Variants in DLG1 observed in about 807,000 individuals in gnomAD.
DLG1 encodes the protein disks large homolog 1.
In DLG1, 42 loss-of-function variants were observed where a neutral mutation model predicts 123.4. That is an observed-to-expected ratio of 0.34 (90% CI 0.27 to 0.44). DLG1 has a LOEUF of 0.44. DLG1 is among the 20% of genes least tolerant of loss of function. DLG1 has a pLI of 1.00. For missense variants in DLG1, 942 were observed against 1,082.6 expected, an observed-to-expected ratio of 0.87 and a Z score of 1.82; for synonymous variants, 317 against 356.2, an observed-to-expected ratio of 0.89 and a Z score of 1.24.
chr3:197,133,500 T>A (rs896531812), intron 10 of DLG1, among the ~76,000 whole-genome samples: 1 of 152,228 alleles, frequency 6.6e-6, no homozygotes, highest in Non-Finnish European at 1.5e-5. Context: ...TTAATCTCTG[T>A]GTTTTCTCAC....
At chr3:197,127,348 G>C (rs1463208059) in intron 11 of DLG1, among the ~76,000 whole-genome samples, 2 of 143,612 alleles carry the variant, frequency 1.4e-5, no homozygotes, top group Non-Finnish European at 3.0e-5. Flanking sequence ...GCTTGAACCT[G>C]GGAGGCGGAG....
In DLG1 at chr3:197,118,712, A is replaced by T. The variant is rs547216284; in HGVS notation, c.1286+698T>A. ...AAAAGATCTACAATGCTTTTTCACC[A>T]ATTTTTTTCTACCTCATTAGAATTC... On this transcript the variant is annotated intron_variant, in intron 12 of 24. Transcript: ENST00000667157. 3.3e-5 allele frequency among the ~76,000 whole-genome samples: 5 copies of T among 152,314 alleles called. No homozygotes were observed. In the East Asian group the frequency reaches 9.6e-4, roughly 29 times the overall value.
In DLG1 at chr3:197,076,697, A is replaced by G. The variant is rs1747493388; in HGVS notation, c.1906-12T>C. The G allele has an allele frequency of 6.2e-7, 1 of 1,603,338 alleles. No individual in the cohort carries two copies. The highest frequency in any genetic ancestry group is 8.5e-7 in the Non-Finnish European group (1 of 1,171,050). On this transcript the variant is annotated splice_polypyrimidine_tract_variant and intron_variant, in intron 17 of 24. Coordinates refer to ENST00000667157, the MANE Select transcript of DLG1 (RefSeq NM_001366207.1). ...TCATTGAATGACTGCTGAAGAAGAG[A>G]AGGAGGGGCAAAACAAAGGGATGTC...
chr3:197,250,949 C>T (rs1754093696), intron 4 of DLG1, among the ~76,000 whole-genome samples: 1 of 143,256 alleles, frequency 7.0e-6, no homozygotes, highest in African/African-American at 2.6e-5. Context: ...TGCCACTGCA[C>T]TCCAGCCTGG....
intron 10 of DLG1, among the ~76,000 whole-genome samples, chr3:197,135,210 C>A (rs116770594): frequency 0.011 from 1,633 of 152,324 alleles, 30 homozygotes; most frequent in African/African-American, 0.037. Flanking sequence ...CCCTAAGGAA[C>A]ATGGACTGAG....
intron 13 of DLG1, among the ~76,000 whole-genome samples, chr3:197,108,888 T>C (rs1368190215): frequency 6.6e-6 from 1 of 152,186 alleles, no homozygotes; most frequent in East Asian, 1.9e-4. Context: ...TAATGTAGAA[T>C]TTACTTAATT....
chr3:197,177,557 G>C (rs186445052), intron 5 of DLG1, among the ~76,000 whole-genome samples: 1 of 152,186 alleles, frequency 6.6e-6, no homozygotes, highest in Admixed American at 6.5e-5. Context: ...ATCAATCTAG[G>C]ATGGTCCAAG....
chr3:197,217,862 T>C (rs559289849), intron 4 of DLG1, among the ~76,000 whole-genome samples: 54 of 152,296 alleles, frequency 3.5e-4, no homozygotes, highest in African/African-American at 1.2e-3. Flanking sequence ...ATCTTGATTA[T>C]AGTGATGGTT....
At chr3:197,098,895 C>T (rs746229899) in intron 14 of DLG1, among the ~76,000 whole-genome samples, 26 of 152,198 alleles carry the variant, frequency 1.7e-4, no homozygotes, top group African/African-American at 2.4e-4. Flanking sequence ...AAACATACTT[C>T]GGCATTTTAA....
chr3:197,119,067 T>A (rs1487144459), intron 12 of DLG1, among the ~76,000 whole-genome samples: 1 of 152,186 alleles, frequency 6.6e-6, no homozygotes, highest in African/African-American at 2.4e-5. Flanking sequence ...GCCATATTTT[T>A]ATGGTATATA....
chr3:197,085,939 A>G (rs1424891990), intron 15 of DLG1, among the ~76,000 whole-genome samples, 183 bp from the exon 16 acceptor site: 2 of 151,366 alleles, frequency 1.3e-5, no homozygotes, highest in Non-Finnish European at 2.9e-5. Flanking sequence ...TCAACTTGCT[A>G]TGAAAATACT....
chr3:197,267,883 T>C (rs555720420), intron 4 of DLG1, among the ~76,000 whole-genome samples: 6 of 152,250 alleles, frequency 3.9e-5, no homozygotes, highest in Non-Finnish European at 8.8e-5. Flanking sequence ...TTGAACATAT[T>C]TACAGGATAA....
chr3:197,048,134 C>T (rs990950961), intron 24 of DLG1, among the ~76,000 whole-genome samples: 3 of 152,284 alleles, frequency 2.0e-5, no homozygotes, highest in African/African-American at 7.2e-5. Flanking sequence ...CAGCAGGTAT[C>T]AGTAAAAGTG....
intron 4 of DLG1, among the ~76,000 whole-genome samples, chr3:197,213,232 TAAG>T (rs1732178283): frequency 6.6e-6 from 1 of 152,144 alleles, no homozygotes; most frequent in Non-Finnish European, 1.5e-5. Flanking sequence ...ACCTCTTCAA[TAAG>T]AAGAAAACTG....
At chr3:197,132,406 T>C (rs62281757) in intron 10 of DLG1, among the ~76,000 whole-genome samples, 19,818 of 152,242 alleles carry the variant, frequency 0.13, 1,741 homozygotes, top group South Asian at 0.35. Flanking sequence ...TGTACCTTTA[T>C]AGTTGACTAT....
At chr3:197,207,698 C>T (rs186983655) in intron 4 of DLG1, among the ~76,000 whole-genome samples, 2 of 147,954 alleles carry the variant, frequency 1.4e-5, no homozygotes, top group Admixed American at 6.7e-5. Context: ...AGATGAAAAT[C>T]GGCATATAAA....
chr3:197,090,538 A>G (rs1244542075), intron 15 of DLG1, among the ~76,000 whole-genome samples: 4 of 152,116 alleles, frequency 2.6e-5, no homozygotes, highest in Non-Finnish European at 4.4e-5. Context: ...TTGCCAGGTA[A>G]TTAAATGTTA....
chr3:197,236,151 A>C (rs1375377278), intron 4 of DLG1, among the ~76,000 whole-genome samples: 1 of 152,030 alleles, frequency 6.6e-6, no homozygotes, highest in Non-Finnish European at 1.5e-5. Context: ...CCGTCTCTAC[A>C]AAAAGTAAAA....
chr3:197,204,328 T>A (rs1464374054), intron 4 of DLG1, among the ~76,000 whole-genome samples: 1 of 152,232 alleles, frequency 6.6e-6, no homozygotes, highest in Admixed American at 6.5e-5. Flanking sequence ...GATATTAGAT[T>A]GCTTGTTTTC....
Sources: allele counts gnomAD v4.1 joint callset (sites outside exome capture counted in the v4.1 genomes callset), GRCh38; gene constraint gnomAD v4.1.1; transcripts MANE v1.5; gene names NCBI Gene and HGNC (gene_info 2026-07-23, HGNC 2026-07-21).